TCF4: variants seen among roughly 807,000 people sequenced by gnomAD.
TCF4 encodes SL3-3 enhancer factor 2.
A neutral mutation model predicts 82.1 loss-of-function variants in TCF4; 3 were observed. The observed-to-expected ratio is 0.04, with a 90% CI of 0.02 to 0.09. The LOEUF is 0.09. Among genes scored for constraint, TCF4 ranks in the 10% least tolerant of loss-of-function variants. TCF4 has a pLI of 1.00. For synonymous variants in TCF4, 276 were observed against 309.6 expected (o/e 0.89, Z 1.14); for missense variants, 518 against 852.7 (o/e 0.61, Z 4.89).
intron 6 of TCF4, among the ~76,000 whole-genome samples, chr18:55,390,698 G>A (rs1034739223): frequency 6.6e-6 from 1 of 152,150 alleles, no homozygotes; most frequent in Non-Finnish European, 1.5e-5. Context: ...AATTTTAGAG[G>A]CTAGTACAAT....
At chr18:55,303,453 AG>A (rs1055513067) in intron 8 of TCF4, among the ~76,000 whole-genome samples, 20 of 152,190 alleles carry the variant, frequency 1.3e-4, no homozygotes, top group African/African-American at 4.8e-4. Flanking sequence ...CTGCAACTCT[AG>A]GGAGGAATAT....
chr18:55,554,394 A>AT (rs2097286568), intron 3 of TCF4, among the ~76,000 whole-genome samples: 5 of 152,128 alleles, frequency 3.3e-5, no homozygotes, highest in Admixed American at 2.0e-4. Flanking sequence ...TTTTATTAAT[A>AT]AGGGTACACA....
chr18:55,621,355 A>G (rs1164162135), intron 2 of TCF4, among the ~76,000 whole-genome samples: 1 of 141,100 alleles, frequency 7.1e-6, no homozygotes, highest in Non-Finnish European at 1.5e-5. Context: ...AAGTAATAAA[A>G]AAGATACTTT....
At chr18:55,534,066 T>C (rs1386564287) in intron 3 of TCF4, among the ~76,000 whole-genome samples, 1 of 152,240 alleles carries the variant, frequency 6.6e-6, no homozygotes, top group African/African-American at 2.4e-5. Flanking sequence ...ATGTATTTTA[T>C]GTTTCATATG....
intron 6 of TCF4, among the ~76,000 whole-genome samples, chr18:55,370,696 A>T (rs187270092): frequency 1.1e-4 from 17 of 152,196 alleles, no homozygotes; most frequent in African/African-American, 3.6e-4. Flanking sequence ...TGATCTAATG[A>T]GGCCTCAAAG....
intron 3 of TCF4, among the ~76,000 whole-genome samples, chr18:55,581,419 T>A (rs988607868): frequency 1.3e-5 from 2 of 152,038 alleles, no homozygotes; most frequent in African/African-American, 4.8e-5. Context: ...TCTAACATAA[T>A]GGGTTTAACG....
chr18:55,562,797 T>A (rs2097366644), intron 3 of TCF4, among the ~76,000 whole-genome samples: 1 of 152,218 alleles, frequency 6.6e-6, no homozygotes. Flanking sequence ...CCATAAATAA[T>A]ATCTATAAGT....
At chr18:55,247,218 T>C (rs1170249633) in intron 15 of TCF4, among the ~76,000 whole-genome samples, 1 of 152,214 alleles carries the variant, frequency 6.6e-6, no homozygotes. Flanking sequence ...GGCCTTCTGG[T>C]CAATCCCCTC....
chr18:55,577,283 T>C (rs2097539523), intron 3 of TCF4, among the ~76,000 whole-genome samples: 1 of 148,314 alleles, frequency 6.7e-6, no homozygotes, highest in Non-Finnish European at 1.5e-5. Flanking sequence ...TATATACATA[T>C]ATATATATGA....
chr18:55,325,996 C>CT (rs2076488703), intron 8 of TCF4, among the ~76,000 whole-genome samples: 2 of 152,258 alleles, frequency 1.3e-5, no homozygotes, highest in South Asian at 4.2e-4. Context: ...ATTGCCTTCA[C>CT]TTATTTAATC....
intron 5 of TCF4, among the ~76,000 whole-genome samples, chr18:55,459,638 G>C (rs1440138426): frequency 6.6e-6 from 1 of 152,116 alleles, no homozygotes; most frequent in Non-Finnish European, 1.5e-5. Context: ...TGACACTGAA[G>C]AGTCAAAAGC....
chr18:55,351,571 C>T (rs2082327520), intron 6 of TCF4, among the ~76,000 whole-genome samples: 1 of 152,018 alleles, frequency 6.6e-6, no homozygotes, highest in Admixed American at 6.6e-5. Flanking sequence ...CTCAAAATTA[C>T]AGAAATAGCA....
Position 55,373,173 on chromosome 18 carries a change from G to A in TCF4, c.370-22170C>T, listed in dbSNP as rs548291310. ...AACAAACCATCAAAAATAAAACACA[G>A]AGACTATGAAAAATAAAAATATATA... On this transcript the variant is annotated intron_variant, in intron 6 of 19. Transcript: ENST00000354452. 6.7e-4 allele frequency among the ~76,000 whole-genome samples: 102 copies of A among 151,388 alleles called. 1 individual carries two copies. The highest frequency in any genetic ancestry group is 2.4e-3 in the African/African-American group (100 of 41,358).
intron 3 of TCF4, among the ~76,000 whole-genome samples, chr18:55,529,040 T>C (rs1252313327): frequency 3.9e-5 from 6 of 152,080 alleles, no homozygotes; most frequent in Non-Finnish European, 7.4e-5. Context: ...TAGCCGGGCA[T>C]GGTGGCAGGT....
intron 5 of TCF4, among the ~76,000 whole-genome samples, chr18:55,418,002 AATGTGTGT>A (rs2094580212): frequency 8.8e-6 from 1 of 113,128 alleles, no homozygotes; most frequent in South Asian, 2.7e-4. Flanking sequence ...TTCTTGAGCA[AATGTGTGT>A]GTGTGTGTGT....
chr18:55,457,097 C>T (rs2095773962), intron 5 of TCF4, among the ~76,000 whole-genome samples: 1 of 152,164 alleles, frequency 6.6e-6, no homozygotes, highest in Non-Finnish European at 1.5e-5. Flanking sequence ...ATGAATTGGT[C>T]AATGTAGGCA....
intron 3 of TCF4, among the ~76,000 whole-genome samples, chr18:55,500,440 G>A (rs2096685368): frequency 6.6e-6 from 1 of 152,188 alleles, no homozygotes; most frequent in Admixed American, 6.5e-5. Flanking sequence ...TTAAAGTGCT[G>A]ATAATGAGCA....
intron 3 of TCF4, among the ~76,000 whole-genome samples, chr18:55,539,758 T>G (rs1055745317): frequency 6.6e-6 from 1 of 152,012 alleles, no homozygotes; most frequent in Non-Finnish European, 1.5e-5. Flanking sequence ...TACATCATAA[T>G]GAAAAGATAA....
chr18:55,359,342 T>C (rs1366144473), intron 6 of TCF4, among the ~76,000 whole-genome samples: 2 of 152,222 alleles, frequency 1.3e-5, no homozygotes, highest in African/African-American at 4.8e-5. Context: ...TCCTCTTCCT[T>C]CTAGACGTTT....
Sources: gnomAD v4.1 joint callset for allele counts (sites outside exome capture counted in the v4.1 genomes callset) on GRCh38, gnomAD v4.1.1 for gene constraint, MANE v1.5 for transcripts, NCBI Gene and HGNC (gene_info 2026-07-23, HGNC 2026-07-21) for gene names.